The following NRG1 variants were observed in gnomAD, a reference collection of about 807,000 sequenced individuals.
The protein encoded by NRG1 is neuregulin 1.
A neutral mutation model predicts 63.8 loss-of-function variants in NRG1; 18 were observed. The ratio of observed to expected loss-of-function variants is 0.28; its 90% CI spans 0.19 to 0.42. The LOEUF is 0.42. NRG1 is among the 10% of genes least tolerant of loss of function. The pLI, the probability that NRG1 is intolerant of heterozygous loss-of-function variation, is 1.00. For missense variants in NRG1, 762 were observed against 814.7 expected, an observed-to-expected ratio of 0.94 and a Z score of 0.79; for synonymous variants, 302 against 301.3, an observed-to-expected ratio of 1.00 and a Z score of -0.02.
chr8:31,811,259 T>C (rs1822856532), intron 1 of NRG1, among the ~76,000 whole-genome samples: 1 of 152,216 alleles, frequency 6.6e-6, no homozygotes, highest in Non-Finnish European at 1.5e-5. Flanking sequence ...TGTAGAGCTT[T>C]ATCTGGAGCT....
At chr8:31,778,972 C>A (rs904906355) in intron 1 of NRG1, among the ~76,000 whole-genome samples, 5 of 152,144 alleles carry the variant, frequency 3.3e-5, no homozygotes, top group Admixed American at 6.5e-5. Context: ...CAGTGTCTTC[C>A]ACTTATTTCC....
chr8:32,722,077 C>G, intron 5 of NRG1: 3 of 1,460,938 alleles, frequency 2.1e-6, no homozygotes, highest in Non-Finnish European at 2.8e-6. Context: ...TTTGTAGTGA[C>G]TAGCAGTTTA....
At chr8:32,681,939 C>T (rs1228409132) in intron 5 of NRG1, among the ~76,000 whole-genome samples, 1 of 152,116 alleles carries the variant, frequency 6.6e-6, no homozygotes, top group Non-Finnish European at 1.5e-5. Context: ...CGTTAACATG[C>T]ACATGGAGTA....
intron 1 of NRG1, among the ~76,000 whole-genome samples, chr8:32,371,979 T>C (rs61047041): frequency 3.7e-5 from 5 of 136,102 alleles, no homozygotes; most frequent in Non-Finnish European, 6.3e-5. Flanking sequence ...TTCTTTCTTT[T>C]TTCTTCTTCT....
At chr8:32,095,294 A>G (rs1829759316) in intron 1 of NRG1, among the ~76,000 whole-genome samples, 1 of 152,208 alleles carries the variant, frequency 6.6e-6, no homozygotes, top group East Asian at 1.9e-4. Context: ...GGTGGGATTG[A>G]GAGTGAAGAC....
Position 32,742,614 on chromosome 8 carries a change from A to C in NRG1, c.633-61A>C. On this transcript the variant is annotated intron_variant, in intron 6 of 11. Coordinates refer to ENST00000356819, the Ensembl canonical transcript of NRG1. This position sits in a 1 kb window ranked among gnomAD's most constrained non-coding sequence, Gnocchi z 4.2. ...CACTGAAGGAGCTTCTTTCTAGCAT[A>C]TATTCACCTCTTCTCTTTTTCTCTG... 178 of 1,319,058 alleles carry C rather than the reference A, an allele frequency of 1.3e-4. No homozygotes were observed. The highest frequency in any genetic ancestry group is 1.7e-4 in the Non-Finnish European group (158 of 916,550). The allele number at this position is 1,319,058 out of a possible 1,614,324, so 81.7% of individuals were successfully genotyped here.
chr8:31,817,505 T>C (rs1823568377), intron 1 of NRG1, among the ~76,000 whole-genome samples: 1 of 152,206 alleles, frequency 6.6e-6, no homozygotes, highest in East Asian at 1.9e-4. Flanking sequence ...TCAGAACATA[T>C]GGAGAGCATT....
At chr8:32,683,566 C>A (rs187385191) in intron 5 of NRG1, among the ~76,000 whole-genome samples, 1 of 152,178 alleles carries the variant, frequency 6.6e-6, no homozygotes, top group Non-Finnish European at 1.5e-5. Context: ...ATTCTGCCAC[C>A]CCCATGTTTT....
chr8:31,722,842 A>T (rs1813056365), intron 1 of NRG1, among the ~76,000 whole-genome samples: 1 of 152,176 alleles, frequency 6.6e-6, no homozygotes, highest in Admixed American at 6.6e-5. Context: ...TTTATAGTTA[A>T]AAATGTTAAA....
chr8:32,411,042 A>G (rs1397091338), intron 1 of NRG1, among the ~76,000 whole-genome samples: 1 of 151,914 alleles, frequency 6.6e-6, no homozygotes, highest in Non-Finnish European at 1.5e-5. Flanking sequence ...TGCCCAGCTA[A>G]TTTTTGTGTT....
chr8:32,689,023 C>G (rs965250775), intron 5 of NRG1, among the ~76,000 whole-genome samples: 3 of 152,068 alleles, frequency 2.0e-5, no homozygotes, highest in Non-Finnish European at 4.4e-5. Flanking sequence ...AGAGGGAGTG[C>G]TGCAGCCAAG....
intron 1 of NRG1, among the ~76,000 whole-genome samples, chr8:31,969,662 G>T (rs1404232184): frequency 6.6e-6 from 1 of 152,218 alleles, no homozygotes; most frequent in African/African-American, 2.4e-5. Context: ...TCTTGCACAG[G>T]TCAATCCATT....
At chr8:32,709,650 G>C (rs1817315584) in intron 5 of NRG1, among the ~76,000 whole-genome samples, 1 of 151,952 alleles carries the variant, frequency 6.6e-6, no homozygotes. Context: ...CGAACTCCTA[G>C]GCTCAAGCAA....
chr8:31,873,748 AC>A (rs1182116570), intron 1 of NRG1, among the ~76,000 whole-genome samples: 2 of 152,182 alleles, frequency 1.3e-5, no homozygotes, highest in Non-Finnish European at 2.9e-5. Flanking sequence ...GGACAGTATT[AC>A]ATTTGTGAAG....
chr8:32,364,681 T>A (rs183336641), intron 1 of NRG1, among the ~76,000 whole-genome samples: 10 of 152,296 alleles, frequency 6.6e-5, no homozygotes, highest in African/African-American at 2.2e-4. Flanking sequence ...TTATCTTTAG[T>A]AGAGCTTCTT....
chr8:31,927,854 TA>T (rs1000251344), intron 1 of NRG1, among the ~76,000 whole-genome samples: 5 of 150,806 alleles, frequency 3.3e-5, no homozygotes, highest in African/African-American at 1.2e-4. Flanking sequence ...TTTCTTTTTT[TA>T]AAAAATTTTA....
chr8:31,749,396 T>A (rs1461908521), intron 1 of NRG1, among the ~76,000 whole-genome samples: 2 of 151,922 alleles, frequency 1.3e-5, no homozygotes, highest in Admixed American at 6.6e-5. Flanking sequence ...TCAAAAATGA[T>A]ACTTGCCAAT....
chr8:32,456,761 C>A (rs570997430), intron 1 of NRG1, among the ~76,000 whole-genome samples: 1 of 152,124 alleles, frequency 6.6e-6, no homozygotes, highest in Non-Finnish European at 1.5e-5. Flanking sequence ...CAGATTTTCA[C>A]GGGTGGTTGG....
At chr8:31,915,726 C>T (rs1563561031) in intron 1 of NRG1, among the ~76,000 whole-genome samples, 3 of 151,992 alleles carry the variant, frequency 2.0e-5, no homozygotes, top group Non-Finnish European at 4.4e-5. Context: ...CCATTAGTAC[C>T]AATGACATGA....
Sources: gnomAD v4.1 joint callset for allele counts (sites outside exome capture counted in the v4.1 genomes callset) on GRCh38, gnomAD v4.1.1 for gene constraint, Gnocchi (gnomAD v3.1) non-coding constraint, MANE v1.5 for transcripts, NCBI Gene and HGNC (gene_info 2026-07-23, HGNC 2026-07-21) for gene names.